PATJ: variants seen among roughly 807,000 people sequenced by gnomAD.
PATJ encodes inaD-like protein.
PATJ carries 190 observed loss-of-function variants against 224.9 expected under a neutral mutation model. That is an observed-to-expected ratio of 0.84 (90% CI 0.75 to 0.95). The LOEUF (loss-of-function observed/expected upper bound fraction) is 0.95. Ranked by LOEUF, PATJ falls within the 40% of genes least tolerant of loss-of-function variation. The probability of loss-of-function intolerance (pLI) is 0.00; values close to 1 mark genes in which losing one functional copy is unlikely to be tolerated. For missense variants in PATJ, 2,121 were observed against 2,270.3 expected (o/e 0.93, Z 1.34); for synonymous variants, 769 against 820.3 (o/e 0.94, Z 1.07).
In PATJ at chr1:61,763,059, G is replaced by T; in HGVS notation, c.69G>T (p.Leu23Phe). Reference sequence around the variant, plus strand: ...TACTTGATCGCCTGAAAATGAAATTGCAGGAGAAGGGTGACACGTCGCAGA... The same window carrying T: ...TACTTGATCGCCTGAAAATGAAATTTCAGGAGAAGGGTGACACGTCGCAGA... ...LQVLDRLKMK[L>F]QEKGDTSQNE... The change falls in exon 3 of 44, where the codon TTG becomes TTT. Residue 23 changes from leucine (L) to phenylalanine (F), a missense_variant. Leu to Phe is a conservative substitution (Grantham distance 22, BLOSUM62 0). Coordinates refer to ENST00000642238, the MANE Select transcript of PATJ (RefSeq NM_001350145.3). 6.2e-7 allele frequency: 1 copy of T among 1,611,078 alleles called. No individual in the cohort carries two copies. The highest frequency in any genetic ancestry group is 8.5e-7 in the Non-Finnish European group (1 of 1,178,190).
At chr1:62,003,341 A>G (rs898913251) in intron 28 of PATJ, among the ~76,000 whole-genome samples, 8 of 152,240 alleles carry the variant, frequency 5.3e-5, no homozygotes, top group East Asian at 3.8e-4. Context: ...TCAAAAGGAT[A>G]TCTTACTCTT....
Position 61,787,965 on chromosome 1 carries a change from C to T in PATJ, c.1061C>T (p.Pro354Leu), listed in dbSNP as rs1404541919. Residue 354 changes from proline to leucine, a missense_variant, in exon 8 of 44, where the codon CCT becomes CTT. Transcript: ENST00000642238. The stretch of plus-strand genomic sequence containing the variant: ...CTGCCTACTGTAGCCAGCAAGGGCC[C>T]TGGTTCTGTGAGTATACATATCATT... ...VALPTVASKG[P>L]GSDSSLFETY... 6.2e-7 allele frequency: 1 copy of T among 1,612,150 alleles called. No individual in the cohort carries two copies. The highest frequency in any genetic ancestry group is 8.5e-7 in the Non-Finnish European group (1 of 1,179,122).
intron 38 of PATJ, among the ~76,000 whole-genome samples, chr1:62,122,628 C>G (rs937519393): frequency 1.3e-5 from 2 of 152,052 alleles, no homozygotes; most frequent in African/African-American, 4.8e-5. Flanking sequence ...AGTTTGAGAC[C>G]AGCCTGGCCA....
Position 61,823,054 on chromosome 1 carries a change from T to C in PATJ, c.1793T>C (p.Leu598Pro). The C allele has an allele frequency of 1.2e-6, 2 of 1,614,146 alleles. No homozygotes were observed. The highest frequency in any genetic ancestry group is 1.7e-6 in the Non-Finnish European group (2 of 1,180,004). Residue 598 changes from leucine to proline, a missense_variant, in exon 15 of 44, where the codon CTA becomes CCA. Physicochemically the swap from Leu to Pro is moderately conservative, Grantham distance 98 (BLOSUM62 -3). Transcript: ENST00000642238. ...SGGPVDTLGL[L>P]QPEDELLEVN... ...GGTCCTGTTGATACATTGGGTCTCCTACAGCCAGAAGATGAGCTGCTTGAG... is the reference window on the plus strand; with the variant it reads ...GGTCCTGTTGATACATTGGGTCTCCCACAGCCAGAAGATGAGCTGCTTGAG...
chr1:61,991,921 A>C (rs1171192063), intron 28 of PATJ: 1 of 164,728 alleles, frequency 6.1e-6, no homozygotes, highest in Non-Finnish European at 1.3e-5. Flanking sequence ...TGCATTGTAC[A>C]TATTTGTATT....
chr1:62,005,572 T>G (rs67035896), intron 28 of PATJ, among the ~76,000 whole-genome samples: 8,157 of 152,108 alleles, frequency 0.054, 620 homozygotes, highest in East Asian at 0.4. Context: ...AGGACCACCC[T>G]GGGCAAGATA....
intron 22 of PATJ, among the ~76,000 whole-genome samples, chr1:61,892,871 G>A (rs954214046): frequency 1.3e-5 from 2 of 152,132 alleles, no homozygotes; most frequent in African/African-American, 4.8e-5. Context: ...TCTTGGTGTT[G>A]TATGTTCTGT....
chr1:61,987,269 A>G (rs1161725155), intron 27 of PATJ, among the ~76,000 whole-genome samples: 1 of 152,142 alleles, frequency 6.6e-6, no homozygotes, highest in Non-Finnish European at 1.5e-5. Flanking sequence ...TTATGGCCCA[A>G]TATGCAGTCT....
chr1:62,049,735 C>A (rs1028327133), intron 30 of PATJ, among the ~76,000 whole-genome samples: 1 of 152,090 alleles, frequency 6.6e-6, no homozygotes, highest in African/African-American at 2.4e-5. Context: ...TATGTAAATA[C>A]ATATTTTCAG....
chr1:62,106,182 A>ATATATCTATATC (rs1410706437), intron 33 of PATJ, among the ~76,000 whole-genome samples: 6 of 108,086 alleles, frequency 5.6e-5, no homozygotes, highest in African/African-American at 2.0e-4. Context: ...ATATATATAT[A>ATATATCTATATC]TATATGGCTG....
At chr1:61,975,238 T>C (rs1479298210) in intron 27 of PATJ, among the ~76,000 whole-genome samples, 1 of 152,046 alleles carries the variant, frequency 6.6e-6, no homozygotes, top group Non-Finnish European at 1.5e-5. Flanking sequence ...TGAGCCACCA[T>C]GCCCAGACCC....
At chr1:61,917,822 C>T (rs567056106) in intron 26 of PATJ, among the ~76,000 whole-genome samples, 10 of 152,048 alleles carry the variant, frequency 6.6e-5, no homozygotes, top group African/African-American at 1.4e-4. Context: ...GGGAGGCCAA[C>T]GTGGGCGAAT....
At chr1:62,149,628 G>C (rs922422762) in intron 42 of PATJ, among the ~76,000 whole-genome samples, 1 of 150,300 alleles carries the variant, frequency 6.7e-6, no homozygotes, top group African/African-American at 2.5e-5. Context: ...AAAAAATCAG[G>C]ACCTTTATAG....
intron 27 of PATJ, among the ~76,000 whole-genome samples, chr1:61,984,309 T>G (rs1019758168): frequency 2.6e-5 from 4 of 151,588 alleles, no homozygotes; most frequent in African/African-American, 9.7e-5. Flanking sequence ...TACAGGCATG[T>G]GTCACCATGC....
At chr1:61,936,929 G>A (rs1055595985) in intron 27 of PATJ, among the ~76,000 whole-genome samples, 16 of 152,080 alleles carry the variant, frequency 1.1e-4, no homozygotes, top group African/African-American at 3.9e-4. Context: ...CTTAGGAAAT[G>A]TGATATAAAT....
chr1:61,982,061 G>A (rs1644480962), intron 27 of PATJ, among the ~76,000 whole-genome samples: 2 of 152,126 alleles, frequency 1.3e-5, no homozygotes, highest in East Asian at 3.9e-4. Flanking sequence ...GGGGAGAAGG[G>A]AGGGAGGTCA....
chr1:61,792,539 G>GT lies in PATJ; in HGVS notation c.1168+1102dup, dbSNP rs201403192. Among the ~76,000 whole-genome samples, 270 of 147,466 alleles carry GT rather than the reference G, an allele frequency of 1.8e-3. 1 individual carries two copies. In the East Asian group the frequency reaches 0.03, roughly 17 times the overall value. On this transcript the variant is annotated intron_variant, in intron 9 of 43. Transcript: ENST00000642238. ...TTCTTTTGTTTGTTTATTTGTTTTT[G>GT]TTTTTTTTTTGAGATGAGTCTCGCT...
At chr1:62,034,525 G>T (rs1016502506) in intron 29 of PATJ, among the ~76,000 whole-genome samples, 3 of 151,310 alleles carry the variant, frequency 2.0e-5, no homozygotes, top group African/African-American at 7.3e-5. Flanking sequence ...AGGGCTCAAA[G>T]GTTCTCCAGA....
rs1029717428 is a variant in PATJ, at chr1:61,927,602, C to A, written c.3571-128C>A. The A allele has an allele frequency of 4.9e-6, 3 of 610,162 alleles. No individual in the cohort carries two copies. The African/African-American group carries it at 5.6e-5, about 11-fold the overall frequency. 37.8% of individuals were successfully genotyped at this position (610,162 alleles called of 1,614,324 possible). Reference sequence around the variant, plus strand: ...TAATACATTGTGTTTGTTTTACAGTCCTCATGATATGAATGAAGTTGGGTA... The same window carrying A: ...TAATACATTGTGTTTGTTTTACAGTACTCATGATATGAATGAAGTTGGGTA... On this transcript the variant is annotated intron_variant, in intron 26 of 43. Transcript: ENST00000642238.
Sources: gnomAD v4.1 joint callset for allele counts (sites outside exome capture counted in the v4.1 genomes callset) on GRCh38, gnomAD v4.1.1 for gene constraint, MANE v1.5 for transcripts, NCBI Gene and HGNC (gene_info 2026-07-23, HGNC 2026-07-21) for gene names.